The following ALDH1L2 variants were observed in gnomAD, a reference collection of about 807,000 sequenced individuals.
ALDH1L2 encodes the protein aldehyde dehydrogenase 1 family member L2, also known as mitochondrial 10-formyltetrahydrofolate dehydrogenase.
ALDH1L2 carries 91 observed loss-of-function variants against 111.0 expected under a neutral mutation model. That is an observed-to-expected ratio of 0.82 (90% CI 0.69 to 0.98). The LOEUF is 0.98. Among genes scored for constraint, ALDH1L2 ranks in the 50% least tolerant of loss-of-function variants. ALDH1L2 has a pLI of 0.00. For missense variants in ALDH1L2, 995 were observed against 1,126.8 expected, an observed-to-expected ratio of 0.88 and a Z score of 1.67; for synonymous variants, 374 against 392.6, an observed-to-expected ratio of 0.95 and a Z score of 0.56.
intron 1 of ALDH1L2, among the ~76,000 whole-genome samples, chr12:105,076,985 G>A (rs1194250235): frequency 1.3e-5 from 2 of 152,210 alleles, no homozygotes; most frequent in Non-Finnish European, 2.9e-5. Context: ...TTCAAACCTG[G>A]ATCTGTCTTA....
Position 105,029,630 on chromosome 12 carries a change from T to C in ALDH1L2, c.2516+694A>G, listed in dbSNP as rs74671323. ...ATCAAAGGTTACTCACTACACCTTATAGTCCCCTGAAGTCTTTTATACTAT... is the reference window on the plus strand; with the variant it reads ...ATCAAAGGTTACTCACTACACCTTACAGTCCCCTGAAGTCTTTTATACTAT... On this transcript the variant is annotated intron_variant, in intron 21 of 22. Coordinates refer to ENST00000258494, the MANE Select transcript of ALDH1L2 (RefSeq NM_001034173.4). Among the ~76,000 whole-genome samples the C allele has an allele frequency of 5.3e-3, 807 of 152,332 alleles. 24 individuals are homozygous for C. The East Asian group carries it at 0.093, about 18-fold the overall frequency.
intron 9 of ALDH1L2, 37 bp from the exon 10 acceptor site, chr12:105,058,257 T>C: frequency 6.4e-7 from 1 of 1,572,672 alleles, no homozygotes; most frequent in Non-Finnish European, 8.6e-7. Context: ...ACTTAGATTT[T>C]TAAAAGGGGT....
intron 1 of ALDH1L2, among the ~76,000 whole-genome samples, chr12:105,075,372 G>C (rs955774583): frequency 6.6e-6 from 1 of 152,176 alleles, no homozygotes; most frequent in African/African-American, 2.4e-5. Context: ...ATCACCTGAG[G>C]TCGGGAGTTC....
intron 3 of ALDH1L2, among the ~76,000 whole-genome samples, chr12:105,069,445 C>T (rs7315221): frequency 1.0e-3 from 155 of 152,276 alleles, no homozygotes; most frequent in African/African-American, 3.6e-3. Context: ...ATCAATCCAT[C>T]AATCACTAAC....
Position 105,046,942 on chromosome 12 carries a change from G to A in ALDH1L2, c.1714C>T (p.Arg572Cys), listed in dbSNP as rs766129624. ...GTGAAGGTCAGATTGCGATTTGGACGGGCCTGGTTGATTGGAATAGTAGAA... is the reference window on the plus strand; with the variant it reads ...GTGAAGGTCAGATTGCGATTTGGACAGGCCTGGTTGATTGGAATAGTAGAA... ...QGSTIPINQA[R>C]PNRNLTFTKK... The change falls in exon 14 of 23, where the codon CGT becomes TGT. Residue 572 changes from arginine (R) to cysteine (C), a missense_variant. Transcript: ENST00000258494. 9.3e-6 allele frequency: 15 copies of A among 1,614,044 alleles called. No homozygotes were observed. Among genetic ancestry groups the A allele is most frequent in the Non-Finnish European group, 1.3e-5 (15 of 1,179,956 alleles).
rs575650783 is a variant in ALDH1L2, at chr12:105,039,794, C to T, written c.1964G>A (p.Gly655Glu). 6.2e-7 allele frequency: 1 copy of T among 1,613,936 alleles called. No homozygotes were observed. Among genetic ancestry groups the T allele is most frequent in the African/African-American group, 1.3e-5 (1 of 75,002 alleles). The change falls in exon 17 of 23, where the codon GGA becomes GAA. Residue 655 changes from glycine to glutamate, a missense_variant. By Grantham distance (98) the Gly-to-Glu change is moderately conservative. Transcript: ENST00000258494. ...GTCAGGATGTTCAGACAGACGTTGT[C>T]CTGCTATGCCACCTGTAGAATTAGG... ...NIIPGSGGIA[G>E]QRLSEHPDIR...
chr12:105,059,795 C>T (rs1313786606), intron 9 of ALDH1L2, among the ~76,000 whole-genome samples: 2 of 152,134 alleles, frequency 1.3e-5, no homozygotes, highest in Non-Finnish European at 2.9e-5. Flanking sequence ...AGGAACGTTG[C>T]TTTGTCAATA....
In ALDH1L2 at chr12:105,077,274, CT is replaced by C. The variant is rs201979000; in HGVS notation, c.49-3270del. ...TATAATCTAATCTTGTTTCTTTTTT[CT>C]TTTTTTTTTTTTTGAGACAGAGTCT... On this transcript the variant is annotated intron_variant, in intron 1 of 22. Coordinates refer to ENST00000258494, the MANE Select transcript of ALDH1L2 (RefSeq NM_001034173.4). Among the ~76,000 whole-genome samples, 642 of 142,396 alleles carry C rather than the reference CT, an allele frequency of 4.5e-3. 1 individual carries two copies. Among genetic ancestry groups the C allele is most frequent in the African/African-American group, 9.3e-3 (361 of 38,966 alleles). The allele number at this position is 142,396 out of a possible 152,430, so 93.4% of individuals were successfully genotyped here. A position where few individuals can be genotyped will look rare whatever the true frequency, so the allele number is the denominator to read the frequency against.
chr12:105,047,524 C>T (rs1456812310), intron 13 of ALDH1L2: 1 of 155,032 alleles, frequency 6.5e-6, no homozygotes, highest in African/African-American at 2.4e-5. Flanking sequence ...GTGGAGGTCA[C>T]ATGGCCTGGC....
chr12:105,072,703 G>A (rs182757999), intron 2 of ALDH1L2, among the ~76,000 whole-genome samples: 3 of 152,324 alleles, frequency 2.0e-5, no homozygotes, highest in Admixed American at 2.0e-4. Context: ...GCAGGGCGTG[G>A]TGGCTCATGC....
At chr12:105,061,267 C>G (rs775387497) in intron 8 of ALDH1L2, among the ~76,000 whole-genome samples, 195 bp from the exon 9 acceptor site, 1 of 152,106 alleles carries the variant, frequency 6.6e-6, no homozygotes, top group Non-Finnish European at 1.5e-5. Context: ...TGCACCACCC[C>G]AGTCCTAGCC....
At chr12:105,056,374 G>A (rs1359229800) in intron 10 of ALDH1L2, among the ~76,000 whole-genome samples, 1 of 152,070 alleles carries the variant, frequency 6.6e-6, no homozygotes, top group East Asian at 1.9e-4. Flanking sequence ...AAAATTGATT[G>A]CTAGCATACC....
At chr12:105,083,052 A>G (rs979326867) in intron 1 of ALDH1L2, among the ~76,000 whole-genome samples, 1 of 152,200 alleles carries the variant, frequency 6.6e-6, no homozygotes, top group Non-Finnish European at 1.5e-5. Context: ...TGTTTATGCC[A>G]TTTGCCACCT....
intron 9 of ALDH1L2, chr12:105,060,395 A>T (rs1346380025): frequency 6.6e-6 from 1 of 152,220 alleles, no homozygotes; most frequent in East Asian, 1.9e-4. Context: ...ACAAATTTTT[A>T]AAAGATGCAA....
At chr12:105,037,731 G>A (rs1875240876) in intron 18 of ALDH1L2, among the ~76,000 whole-genome samples, 1 of 151,876 alleles carries the variant, frequency 6.6e-6, no homozygotes, top group African/African-American at 2.4e-5. Flanking sequence ...TAAAAAAGGA[G>A]GTGAAATGTG....
intron 1 of ALDH1L2, among the ~76,000 whole-genome samples, chr12:105,082,795 G>T (rs1878391513): frequency 6.6e-6 from 1 of 152,122 alleles, no homozygotes; most frequent in Admixed American, 6.5e-5. Flanking sequence ...TTCCAAAGTG[G>T]CTGTACCATT....
At position 105,020,974 on chromosome 12, in the gene ALDH1L2, T is replaced by C. The variant is rs1232409631; in HGVS notation, c.*3450A>G. 1 of 152,186 alleles carries C rather than the reference T, an allele frequency of 6.6e-6. No homozygotes were observed. The highest frequency in any genetic ancestry group is 1.5e-5 in the Non-Finnish European group (1 of 68,070). The allele number at this position is 152,186 out of a possible 1,614,324, so 9.4% of individuals were successfully genotyped here. A position where few individuals can be genotyped will look rare whatever the true frequency, so the allele number is the denominator to read the frequency against. ...CTCCCCCGTCCCGGAGAACTATTTG[T>C]TAAATATTTTACCAGCACACCCCTG... is the stretch of plus-strand genomic sequence containing the variant. On this transcript the variant is annotated 3_prime_UTR_variant, in exon 23 of 23. Coordinates refer to ENST00000258494, the MANE Select transcript of ALDH1L2 (RefSeq NM_001034173.4).
At chr12:105,038,279 AACAC>A (rs555214940) in intron 17 of ALDH1L2, 77 bp from the exon 18 acceptor site, 26,198 of 244,268 alleles carry the variant, frequency 0.11, 940 homozygotes, top group East Asian at 0.17. Context: ...CACACACACA[AACAC>A]ACACACACAC....
chr12:105,050,931 G>T (rs1876221399), intron 12 of ALDH1L2, among the ~76,000 whole-genome samples: 1 of 152,106 alleles, frequency 6.6e-6, no homozygotes, highest in African/African-American at 2.4e-5. Context: ...TGAGATTTGG[G>T]TGGGGACACA....
Sources: allele counts gnomAD v4.1 joint callset (sites outside exome capture counted in the v4.1 genomes callset), GRCh38; gene constraint gnomAD v4.1.1; transcripts MANE v1.5; gene names NCBI Gene and HGNC (gene_info 2026-07-23, HGNC 2026-07-21).